Variants in LRRC7 observed in about 807,000 individuals in gnomAD.
The protein encoded by LRRC7 is leucine rich repeat containing 7, also known as leucine-rich repeat-containing protein 7.
Under a neutral mutation model 175.7 loss-of-function variants are expected in LRRC7, and 23 were observed. The ratio of observed to expected loss-of-function variants is 0.13; its 90% CI spans 0.09 to 0.19. LRRC7 has a LOEUF of 0.19. Among genes scored for constraint, LRRC7 ranks in the 10% least tolerant of loss-of-function variants. LRRC7 has a pLI of 1.00. For synonymous variants in LRRC7, 685 were observed against 680.9 expected (o/e 1.01, Z -0.09); for missense variants, 1,354 against 1,904.7 (o/e 0.71, Z 5.38).
intron 4 of LRRC7, among the ~76,000 whole-genome samples, chr1:69,811,361 G>T (rs1001814850): frequency 2.0e-5 from 3 of 152,132 alleles, no homozygotes; most frequent in African/African-American, 7.2e-5. Flanking sequence ...AGACAGTGTG[G>T]TGATTCCTCA....
intron 4 of LRRC7, among the ~76,000 whole-genome samples, chr1:69,808,455 A>G (rs1040569827): frequency 3.3e-5 from 5 of 152,088 alleles, no homozygotes; most frequent in African/African-American, 9.7e-5. Context: ...TCAACAGAAT[A>G]TACATTCTTC....
chr1:69,683,499 C>T (rs1320187221), intron 2 of LRRC7, among the ~76,000 whole-genome samples: 1 of 152,086 alleles, frequency 6.6e-6, no homozygotes, highest in Non-Finnish European at 1.5e-5. Flanking sequence ...TACTCTATTC[C>T]TGTGCTCTCT....
chr1:69,575,799 A>T (rs1469331540), intron 1 of LRRC7, among the ~76,000 whole-genome samples: 1 of 152,182 alleles, frequency 6.6e-6, no homozygotes, highest in Non-Finnish European at 1.5e-5. Context: ...TTTCTCACCA[A>T]AAAACAAGGA....
At chr1:69,686,853 T>TA (rs997250832) in intron 2 of LRRC7, among the ~76,000 whole-genome samples, 118 of 152,062 alleles carry the variant, frequency 7.8e-4, no homozygotes, top group African/African-American at 2.7e-3. Context: ...ATGTTGCTTA[T>TA]AAAAATGTCC....
chr1:70,041,617 C>T (rs558795955), intron 21 of LRRC7, among the ~76,000 whole-genome samples: 7 of 152,268 alleles, frequency 4.6e-5, no homozygotes, highest in African/African-American at 9.6e-5. Flanking sequence ...CACGACCATA[C>T]GTAACAGGGT....
chr1:69,966,822 C>G (rs1045018315), intron 8 of LRRC7, among the ~76,000 whole-genome samples: 10 of 152,212 alleles, frequency 6.6e-5, no homozygotes, highest in African/African-American at 2.4e-4. Flanking sequence ...GGGAAAATCC[C>G]TAAGCCATTT....
chr1:69,617,399 G>T (rs937694573), intron 1 of LRRC7, among the ~76,000 whole-genome samples: 10 of 151,874 alleles, frequency 6.6e-5, no homozygotes, highest in Non-Finnish European at 1.5e-4. Context: ...CCTGGCACTA[G>T]TAGTTTCACA....
chr1:69,614,277 GAC>G (rs1422320096), intron 1 of LRRC7, among the ~76,000 whole-genome samples: 1 of 152,020 alleles, frequency 6.6e-6, no homozygotes, highest in Non-Finnish European at 1.5e-5. Flanking sequence ...GAATGTGACA[GAC>G]ACAGGTCCTC....
At chr1:69,882,588 G>T (rs959095104) in intron 7 of LRRC7, among the ~76,000 whole-genome samples, 2 of 150,782 alleles carry the variant, frequency 1.3e-5, no homozygotes, top group Non-Finnish European at 3.0e-5. Context: ...TAACAACATG[G>T]ATGAAACTAG....
intron 2 of LRRC7, among the ~76,000 whole-genome samples, chr1:69,748,650 C>A (rs1205928378): frequency 6.6e-6 from 1 of 152,094 alleles, no homozygotes; most frequent in Admixed American, 6.6e-5. Flanking sequence ...ATAACTGACT[C>A]ATCATTAAGA....
At chr1:69,810,420 T>A (rs563386002) in intron 4 of LRRC7, among the ~76,000 whole-genome samples, 50 of 152,064 alleles carry the variant, frequency 3.3e-4, no homozygotes, top group African/African-American at 1.2e-3. Flanking sequence ...TAGAAAAAAA[T>A]ATTTTAAATT....
chr1:69,758,498 T>G (rs1670676173), intron 2 of LRRC7, among the ~76,000 whole-genome samples: 1 of 151,990 alleles, frequency 6.6e-6, no homozygotes, highest in Non-Finnish European at 1.5e-5. Context: ...CCTCCAAATA[T>G]TTTTTTCTTC....
chr1:69,996,633 T>C (rs1296357149), intron 11 of LRRC7, among the ~76,000 whole-genome samples: 9 of 151,968 alleles, frequency 5.9e-5, no homozygotes, highest in East Asian at 3.9e-4. Flanking sequence ...CCAGTTTTCC[T>C]AGCACCATTT....
At chr1:70,065,423 C>G in intron 23 of LRRC7, among the ~76,000 whole-genome samples, 1 of 151,914 alleles carries the variant, frequency 6.6e-6, no homozygotes, top group Non-Finnish European at 1.5e-5. Context: ...ATGTAAAATA[C>G]TTATCACAGT....
intron 1 of LRRC7, among the ~76,000 whole-genome samples, chr1:69,626,318 G>T (rs1253961957): frequency 6.7e-6 from 1 of 148,372 alleles, no homozygotes; most frequent in Non-Finnish European, 1.5e-5. Context: ...GGTATTTATT[G>T]CCCTGGATCT....
intron 1 of LRRC7, among the ~76,000 whole-genome samples, chr1:69,585,859 A>C (rs1203006691): frequency 2.0e-5 from 3 of 152,208 alleles, no homozygotes; most frequent in Non-Finnish European, 4.4e-5. Flanking sequence ...ATATCCTTGT[A>C]AGACTTTTAA....
At chr1:69,597,399 T>A (rs961899530) in intron 1 of LRRC7, among the ~76,000 whole-genome samples, 6 of 152,160 alleles carry the variant, frequency 3.9e-5, no homozygotes, top group Non-Finnish European at 8.8e-5. Flanking sequence ...AGATAATATA[T>A]GTAAAGACCT....
chr1:69,587,547 G>C (rs544051787), intron 1 of LRRC7, among the ~76,000 whole-genome samples: 5 of 152,254 alleles, frequency 3.3e-5, no homozygotes, highest in African/African-American at 1.2e-4. Context: ...TCACACAGTT[G>C]TTCTGCTCTC....
intron 7 of LRRC7, among the ~76,000 whole-genome samples, chr1:69,871,988 T>G (rs1685596346): frequency 6.6e-6 from 1 of 151,996 alleles, no homozygotes; most frequent in African/African-American, 2.4e-5. Flanking sequence ...ATTTTAAGAT[T>G]CATGTGCACT....
Sources: gnomAD v4.1 joint callset for allele counts (sites outside exome capture counted in the v4.1 genomes callset) on GRCh38, gnomAD v4.1.1 for gene constraint, MANE v1.5 for transcripts, NCBI Gene and HGNC (gene_info 2026-07-23, HGNC 2026-07-21) for gene names.